The following CRYBG1 variants were observed in gnomAD, a reference collection of about 807,000 sequenced individuals.
CRYBG1 encodes beta/gamma crystallin domain-containing protein 1.
In CRYBG1, 139 loss-of-function variants were observed where a neutral mutation model predicts 189.2. The ratio of observed to expected loss-of-function variants is 0.73; its 90% confidence interval spans 0.64 to 0.85. The LOEUF (loss-of-function observed/expected upper bound fraction) is 0.85. CRYBG1 is among the 40% of genes least tolerant of loss of function. CRYBG1 has a pLI of 0.00. For missense variants in CRYBG1, 2,611 were observed against 2,675.8 expected (o/e 0.98, Z 0.53); for synonymous variants, 1,023 against 1,017.1 (o/e 1.01, Z -0.11).
At chr6:106,433,895 G>C (rs527933618) in intron 1 of CRYBG1, among the ~76,000 whole-genome samples, 3 of 151,608 alleles carry the variant, frequency 2.0e-5, no homozygotes, top group African/African-American at 7.3e-5. Context: ...CCAAAATTTA[G>C]TGTCTTGAAA....
chr6:106,522,916 G>A (rs34550542), intron 4 of CRYBG1, among the ~76,000 whole-genome samples: 40,179 of 152,062 alleles, frequency 0.26, 5,531 homozygotes, highest in South Asian at 0.37. Context: ...GATGTTTGGT[G>A]TTAGGACCCT....
intron 2 of CRYBG1, among the ~76,000 whole-genome samples, chr6:106,507,033 G>T (rs1463052942): frequency 6.6e-6 from 1 of 152,146 alleles, no homozygotes; most frequent in East Asian, 1.9e-4. Flanking sequence ...TTTACTAAGT[G>T]GTAATAGTAG....
chr6:106,362,787 T>C (rs1383028957), intron 1 of CRYBG1, among the ~76,000 whole-genome samples: 1 of 152,256 alleles, frequency 6.6e-6, no homozygotes, highest in Non-Finnish European at 1.5e-5. Context: ...CAGTATTTAA[T>C]GTACCCAACA....
chr6:106,537,298 AAAATT>A (rs1229013939), intron 8 of CRYBG1, among the ~76,000 whole-genome samples: 4 of 152,220 alleles, frequency 2.6e-5, no homozygotes, highest in African/African-American at 9.6e-5. Context: ...CAGTTTTTGA[AAAATT>A]AAACCTGTTC....
intron 1 of CRYBG1, among the ~76,000 whole-genome samples, chr6:106,411,111 T>G (rs1770920836): frequency 6.6e-6 from 1 of 152,106 alleles, no homozygotes; most frequent in Non-Finnish European, 1.5e-5. Context: ...GTTAAAAAAA[T>G]GATAAAGTGT....
intron 2 of CRYBG1, among the ~76,000 whole-genome samples, chr6:106,505,938 A>G (rs1386622589): frequency 1.3e-5 from 2 of 152,228 alleles, no homozygotes; most frequent in South Asian, 2.1e-4. Context: ...GTTTAAAAAA[A>G]AAAGTTACTT....
At chr6:106,560,377 T>C (rs1477735183) in intron 18 of CRYBG1, among the ~76,000 whole-genome samples, 5 of 152,180 alleles carry the variant, frequency 3.3e-5, no homozygotes, top group African/African-American at 1.2e-4. Context: ...GTTTTTTAGA[T>C]TTAACAAAGA....
intron 1 of CRYBG1, among the ~76,000 whole-genome samples, chr6:106,424,285 C>T (rs1478310717): frequency 6.6e-6 from 1 of 152,112 alleles, no homozygotes; most frequent in Non-Finnish European, 1.5e-5. Context: ...ATTGGCTTTT[C>T]CTAAGCTTTC....
intron 1 of CRYBG1, among the ~76,000 whole-genome samples, chr6:106,365,991 A>G (rs1771980299): frequency 6.6e-6 from 1 of 152,212 alleles, no homozygotes. Flanking sequence ...TTCTATAAAG[A>G]GAAAACAACT....
chr6:106,560,650 CTTTT>C (rs1338547851), intron 18 of CRYBG1, among the ~76,000 whole-genome samples, 149 bp from the exon 19 acceptor site: 4 of 152,270 alleles, frequency 2.6e-5, no homozygotes, highest in Middle Eastern at 3.4e-3. Context: ...GAAATTACTT[CTTTT>C]AAGTGTTCTA....
At chr6:106,551,177 CTTT>C (rs1299098262) in intron 13 of CRYBG1, among the ~76,000 whole-genome samples, 1 of 151,514 alleles carries the variant, frequency 6.6e-6, no homozygotes, top group African/African-American at 2.4e-5. Flanking sequence ...TTTTTTTCTT[CTTT>C]ATGTCCATGC....
At chr6:106,557,410 T>TTA (rs1364091409) in intron 17 of CRYBG1, among the ~76,000 whole-genome samples, 22 of 4,930 alleles carry the variant, frequency 4.5e-3, no homozygotes, top group African/African-American at 6.6e-3. Context: ...ATGCTTTTAT[T>TTA]TTTTTTTTTT....
chr6:106,468,182 A>G (rs1282452882), intron 2 of CRYBG1, among the ~76,000 whole-genome samples: 1 of 152,202 alleles, frequency 6.6e-6, no homozygotes, highest in Non-Finnish European at 1.5e-5. Flanking sequence ...GAAGAAGGAT[A>G]TTGTTGAATC....
chr6:106,498,045 G>A (rs1562089302), intron 2 of CRYBG1, among the ~76,000 whole-genome samples: 1 of 150,182 alleles, frequency 6.7e-6, no homozygotes, highest in African/African-American at 2.5e-5. Context: ...AGGTTGCATT[G>A]AGCCAAGATC....
intron 1 of CRYBG1, among the ~76,000 whole-genome samples, chr6:106,435,931 C>G (rs1267545674): frequency 6.6e-6 from 1 of 152,070 alleles, no homozygotes; most frequent in Non-Finnish European, 1.5e-5. Context: ...TGAAGTATTC[C>G]AAGATCTAGA....
chr6:106,468,648 C>CAATGGCACTAT (rs1772161320), intron 2 of CRYBG1, among the ~76,000 whole-genome samples: 1 of 152,120 alleles, frequency 6.6e-6, no homozygotes, highest in Admixed American at 6.5e-5. Flanking sequence ...CATGATAGTG[C>CAATGGCACTAT]CATTGCACTC....
intron 1 of CRYBG1, among the ~76,000 whole-genome samples, chr6:106,448,689 A>G (rs1771718691): frequency 6.6e-6 from 1 of 152,214 alleles, no homozygotes; most frequent in Non-Finnish European, 1.5e-5. Flanking sequence ...AGACAAAGCT[A>G]GGGAGAGGAT....
At chr6:106,451,384 A>G (rs1448483966) in intron 1 of CRYBG1, 1 of 190,426 alleles carries the variant, frequency 5.3e-6, no homozygotes, top group Non-Finnish European at 1.1e-5. Context: ...GGAAAATGAA[A>G]TTGGATTACT....
At chr6:106,508,450 C>T (rs940582086) in intron 2 of CRYBG1, among the ~76,000 whole-genome samples, 5 of 152,128 alleles carry the variant, frequency 3.3e-5, no homozygotes, top group African/African-American at 1.2e-4. Context: ...CTCAACGTTC[C>T]TTTGTGCCTC....
Sources: gnomAD v4.1 joint callset for allele counts (sites outside exome capture counted in the v4.1 genomes callset) on GRCh38, gnomAD v4.1.1 for gene constraint, MANE v1.5 for transcripts, NCBI Gene and HGNC (gene_info 2026-07-23, HGNC 2026-07-21) for gene names.